Variants in SMOC1 observed in about 807,000 individuals in gnomAD.
The protein encoded by SMOC1 is SPARC related modular calcium binding 1, also known as SPARC-related modular calcium-binding protein 1.
SMOC1 carries 22 observed loss-of-function variants against 56.3 expected under a neutral mutation model. That is an observed-to-expected ratio of 0.39 (90% CI 0.28 to 0.56). SMOC1 has a LOEUF of 0.56. Among genes scored for constraint, SMOC1 ranks in the 20% least tolerant of loss-of-function variants. The pLI, the probability that SMOC1 is intolerant of heterozygous loss-of-function variation, is 0.61. For synonymous variants in SMOC1, 193 were observed against 215.0 expected, an observed-to-expected ratio of 0.90 and a Z score of 0.89; for missense variants, 509 against 565.4, an observed-to-expected ratio of 0.90 and a Z score of 1.01.
chr14:69,976,369 C>G (rs61977387), intron 4 of SMOC1, among the ~76,000 whole-genome samples: 5,015 of 152,262 alleles, frequency 0.033, 120 homozygotes, highest in Non-Finnish European at 0.05. Flanking sequence ...AAAGAGAACC[C>G]AGATATCGAG....
At chr14:69,945,498 C>A (rs1347177248) in intron 1 of SMOC1, among the ~76,000 whole-genome samples, 1 of 152,152 alleles carries the variant, frequency 6.6e-6, no homozygotes, top group Non-Finnish European at 1.5e-5. Context: ...GGAGACAGAG[C>A]CCCAGCCAAG....
chr14:70,013,234 T>C (rs1214393419), intron 9 of SMOC1, 152 bp from the exon 10 acceptor site: 2 of 714,938 alleles, frequency 2.8e-6, no homozygotes, highest in Admixed American at 2.1e-5. Context: ...TATGGAAGTT[T>C]ATGAGACTCA....
At chr14:69,893,037 C>T (rs759874485) in intron 1 of SMOC1, among the ~76,000 whole-genome samples, 31 of 152,274 alleles carry the variant, frequency 2.0e-4, no homozygotes, top group Non-Finnish European at 4.0e-4. Context: ...GTTGAGTAAA[C>T]AGGTCTTCTG....
At chr14:70,014,493 A>G (rs911157819) in intron 10 of SMOC1, among the ~76,000 whole-genome samples, 1 of 152,232 alleles carries the variant, frequency 6.6e-6, no homozygotes, top group Non-Finnish European at 1.5e-5. Flanking sequence ...TCTGTGGTTC[A>G]GTTAGCTTGG....
At chr14:70,026,426 C>T (rs1157244371) in intron 11 of SMOC1, among the ~76,000 whole-genome samples, 1 of 152,210 alleles carries the variant, frequency 6.6e-6, no homozygotes, top group East Asian at 1.9e-4. Flanking sequence ...CCTCTGAAGC[C>T]TTTCCAGGCA....
intron 9 of SMOC1, among the ~76,000 whole-genome samples, chr14:70,011,839 T>A (rs1050918437): frequency 6.6e-6 from 1 of 152,120 alleles, no homozygotes; most frequent in African/African-American, 2.4e-5. Context: ...CCATCTGAGG[T>A]CCATGAGGAC....
At chr14:69,921,342 A>G (rs375178952) in intron 1 of SMOC1, among the ~76,000 whole-genome samples, 1 of 152,108 alleles carries the variant, frequency 6.6e-6, no homozygotes, top group South Asian at 2.1e-4. Context: ...GTAGGCCTGG[A>G]CCTTCCCAGG....
At position 69,900,392 on chromosome 14, in the gene SMOC1, G is replaced by A. The variant is rs561666944; in HGVS notation, c.99+20615G>A. 3.3e-5 allele frequency among the ~76,000 whole-genome samples: 5 copies of A among 152,346 alleles called. No individual in the cohort carries two copies. The South Asian group carries it at 8.3e-4, about 25-fold the overall frequency. ...TTTATTGAGCTACTGCTATGTGCCA[G>A]CTAGTGTTCTAGGCACTGGGAAACA... On this transcript the variant is annotated intron_variant, in intron 1 of 11. Coordinates refer to ENST00000361956, the MANE Select transcript of SMOC1 (RefSeq NM_001034852.3).
At chr14:69,956,701 G>A (rs576160645) in intron 3 of SMOC1, among the ~76,000 whole-genome samples, 4 of 152,088 alleles carry the variant, frequency 2.6e-5, no homozygotes, top group African/African-American at 7.2e-5. Context: ...TGTGGGACTC[G>A]CTGGCCTCTG....
intron 10 of SMOC1, among the ~76,000 whole-genome samples, chr14:70,022,543 A>G (rs933932977): frequency 1.3e-5 from 2 of 152,176 alleles, no homozygotes; most frequent in African/African-American, 4.8e-5. Flanking sequence ...CGGCTTTTCC[A>G]GTTTTGGAAC....
intron 1 of SMOC1, among the ~76,000 whole-genome samples, chr14:69,940,593 C>A (rs186161211): frequency 1.7e-4 from 26 of 151,888 alleles, no homozygotes; most frequent in African/African-American, 6.0e-4. Flanking sequence ...CGCTTAGAAC[C>A]AAACAGGCAT....
intron 1 of SMOC1, among the ~76,000 whole-genome samples, chr14:69,929,505 T>C (rs935857740): frequency 6.6e-6 from 1 of 152,198 alleles, no homozygotes; most frequent in African/African-American, 2.4e-5. Context: ...TGTCTGATTC[T>C]AAACGCCATA....
intron 1 of SMOC1, among the ~76,000 whole-genome samples, chr14:69,905,850 C>G (rs570129774): frequency 2.2e-3 from 342 of 152,266 alleles, no homozygotes; most frequent in Non-Finnish European, 2.4e-3. Context: ...GAGAAGCAGA[C>G]TTGATGAGGG....
At chr14:70,024,354 GC>G (rs2139618124) in intron 11 of SMOC1, among the ~76,000 whole-genome samples, 1 of 152,238 alleles carries the variant, frequency 6.6e-6, no homozygotes, top group South Asian at 2.1e-4. Flanking sequence ...GCAAACAATG[GC>G]CTGAATGCTC....
At chr14:70,021,760 C>T (rs1885735365) in intron 10 of SMOC1, among the ~76,000 whole-genome samples, 1 of 152,122 alleles carries the variant, frequency 6.6e-6, no homozygotes, top group African/African-American at 2.4e-5. Context: ...TTGGACGTTA[C>T]TTGGTGGGGT....
At chr14:69,966,556 A>T (rs1315328497) in intron 3 of SMOC1, among the ~76,000 whole-genome samples, 1 of 152,304 alleles carries the variant, frequency 6.6e-6, no homozygotes, top group Admixed American at 6.5e-5. Context: ...CCTCAGAGAC[A>T]TCTGGTTTAT....
chr14:69,889,156 T>C (rs1285284015), intron 1 of SMOC1, among the ~76,000 whole-genome samples: 2 of 152,226 alleles, frequency 1.3e-5, no homozygotes, highest in African/African-American at 4.8e-5. Context: ...GGCTATCATA[T>C]TGGACAGTGC....
chr14:69,879,755 G>A lies in SMOC1; in HGVS notation c.77G>A (p.Gly26Asp), dbSNP rs866982559. The part of the protein sequence containing the change: ...LVLVQLSPAR[G>D]HRTTGPRFLI... The stretch of plus-strand genomic sequence containing the variant: ...TTGGTGCAGCTGTCCCCTGCTCGCG[G>A]CCACCGCACCACAGGCCCCAGGGTA... The change falls in exon 1 of 12, where the codon GGC (glycine) becomes GAC (aspartate). Residue 26 changes from glycine to aspartate, a missense_variant. By Grantham distance (94) the Gly-to-Asp change is moderately conservative. This residue lies in a region of SMOC1 where 315 missense variants were observed against 333.1 expected (regional missense o/e 0.95). Coordinates refer to ENST00000361956, the MANE Select transcript of SMOC1 (RefSeq NM_001034852.3). The A allele has an allele frequency of 6.3e-7, 1 of 1,592,144 alleles. No individual in the cohort carries two copies. Among genetic ancestry groups the A allele is most frequent in the South Asian group, 1.1e-5 (1 of 89,174 alleles).
chr14:69,892,461 G>A (rs143824780), intron 1 of SMOC1, among the ~76,000 whole-genome samples: 35 of 152,318 alleles, frequency 2.3e-4, no homozygotes, highest in African/African-American at 8.4e-4. Flanking sequence ...TATCGGAAAT[G>A]ACACTAGAAC....
Sources: gnomAD v4.1 joint callset for allele counts (sites outside exome capture counted in the v4.1 genomes callset) on GRCh38, gnomAD v4.1.1 for gene constraint, gnomAD v4.1.1 regional missense constraint, MANE v1.5 for transcripts, NCBI Gene and HGNC (gene_info 2026-07-23, HGNC 2026-07-21) for gene names.